The following AKAP12 variants were observed in gnomAD, a reference collection of about 807,000 sequenced individuals.
The protein encoded by AKAP12 is A-kinase anchoring protein 12.
Under a neutral mutation model 79.9 loss-of-function variants are expected in AKAP12, and 32 were observed. That is an observed-to-expected ratio of 0.40 (90% CI 0.30 to 0.54). AKAP12 has a LOEUF of 0.54. Among genes scored for constraint, AKAP12 ranks in the 20% least tolerant of loss-of-function variants. AKAP12 has a pLI of 0.48. For missense variants in AKAP12, 2,074 were observed against 2,177.0 expected, an observed-to-expected ratio of 0.95 and a Z score of 0.94; for synonymous variants, 808 against 857.0, an observed-to-expected ratio of 0.94 and a Z score of 1.00.
chr6:151,353,744 A>G lies in AKAP12; in HGVS notation c.*4A>G. 1 of 1,556,980 alleles carries G rather than the reference A, an allele frequency of 6.4e-7. No individual in the cohort carries two copies. The highest frequency in any genetic ancestry group is 8.7e-7 in the Non-Finnish European group (1 of 1,153,286). On this transcript the variant is annotated 3_prime_UTR_variant, in exon 4 of 5. Transcript: ENST00000402676. ...GTCAGAACTTACAGAATCTTAAAAC[A>G]TCATGCAGGTAAGCTTCCTTGTCTT...
At chr6:151,324,527 T>G (rs1400462690) in intron 3 of AKAP12, 2 of 985,300 alleles carry the variant, frequency 2.0e-6, no homozygotes, top group Non-Finnish European at 2.4e-6. Flanking sequence ...CTGTGCCCAC[T>G]GTGGTCTACG....
chr6:151,344,527 T>G (rs1401362409), intron 3 of AKAP12, among the ~76,000 whole-genome samples: 1 of 152,080 alleles, frequency 6.6e-6, no homozygotes, highest in Non-Finnish European at 1.5e-5. Context: ...TTTGTTGTTG[T>G]TGTTGTTGTC....
chr6:151,261,402 A>G (rs920807710), intron 2 of AKAP12, among the ~76,000 whole-genome samples: 3 of 151,466 alleles, frequency 2.0e-5, no homozygotes, highest in African/African-American at 7.3e-5. Flanking sequence ...ATAAAAACCA[A>G]TGGTTTGGCT....
At chr6:151,252,814 A>G (rs1306635995) in intron 2 of AKAP12, among the ~76,000 whole-genome samples, 1 of 151,940 alleles carries the variant, frequency 6.6e-6, no homozygotes, top group African/African-American at 2.4e-5. Flanking sequence ...TCGTGATGGC[A>G]TCATGCCACA....
chr6:151,283,862 A>G (rs574237473), intron 2 of AKAP12, among the ~76,000 whole-genome samples: 1 of 152,260 alleles, frequency 6.6e-6, no homozygotes, highest in African/African-American at 2.4e-5. Flanking sequence ...CTCATCTCCA[A>G]AGACATTTCA....
chr6:151,343,240 A>G (rs900350106), intron 3 of AKAP12, among the ~76,000 whole-genome samples: 2 of 151,898 alleles, frequency 1.3e-5, no homozygotes, highest in African/African-American at 4.8e-5. Context: ...CCAGCTTTCT[A>G]CTCCTATATT....
At chr6:151,348,672 T>G in intron 3 of AKAP12, 39 bp from the exon 4 acceptor site, 3 of 477,062 alleles carry the variant, frequency 6.3e-6, no homozygotes, top group African/African-American at 2.0e-5. Flanking sequence ...TAATCACCTT[T>G]TCTCTTCTCC....
chr6:151,357,548 A>C lies in AKAP12; in HGVS notation c.*1834A>C, dbSNP rs1325330615. On this transcript the variant is annotated 3_prime_UTR_variant, in exon 5 of 5. Coordinates refer to ENST00000402676, the MANE Select transcript of AKAP12 (RefSeq NM_005100.4). ...GCTAACAAATCTAACTTCATACATA[A>C]TTGGCCATATTAGTAAAACACCTCA... 2 of 152,144 alleles carry C rather than the reference A, an allele frequency of 1.3e-5. No homozygotes were observed. The highest frequency in any genetic ancestry group is 4.8e-5 in the African/African-American group (2 of 41,418). 9.4% of individuals were successfully genotyped at this position (152,144 alleles called of 1,614,324 possible).
chr6:151,343,512 G>A (rs1457754584), intron 3 of AKAP12, among the ~76,000 whole-genome samples: 4 of 152,160 alleles, frequency 2.6e-5, no homozygotes, highest in South Asian at 2.1e-4. Flanking sequence ...CGCCAGGCAC[G>A]GTGGCTCACG....
intron 3 of AKAP12, among the ~76,000 whole-genome samples, chr6:151,314,609 G>T (rs1777196519): frequency 1.3e-5 from 2 of 152,146 alleles, no homozygotes; most frequent in South Asian, 4.1e-4. Context: ...TTGCCCTAAA[G>T]ATTTTCAGTC....
At chr6:151,333,157 C>T (rs1255427611) in intron 3 of AKAP12, among the ~76,000 whole-genome samples, 1 of 152,058 alleles carries the variant, frequency 6.6e-6, no homozygotes, top group Admixed American at 6.6e-5. Flanking sequence ...TTAAAAGAAG[C>T]GCCCTAACGG....
At chr6:151,343,620 C>A (rs1314423648) in intron 3 of AKAP12, among the ~76,000 whole-genome samples, 1 of 151,924 alleles carries the variant, frequency 6.6e-6, no homozygotes, top group Non-Finnish European at 1.5e-5. Flanking sequence ...CTTATCTGTA[C>A]AAAAAATACA....
At chr6:151,302,201 G>A (rs1278101904) in intron 2 of AKAP12, among the ~76,000 whole-genome samples, 1 of 151,826 alleles carries the variant, frequency 6.6e-6, no homozygotes, top group Non-Finnish European at 1.5e-5. Flanking sequence ...TAGTAGAGAC[G>A]GGGTTTCACC....
At position 151,259,907 on chromosome 6, in the gene AKAP12, T is replaced by G. The variant is rs1473072150; in HGVS notation, c.162+19183T>G. ...TTTTCTTCAATGTAACTTTCTCTTTTTTTTTTTCCTTGCACAAAGCATTAA... is the reference window on the plus strand; with the variant it reads ...TTTTCTTCAATGTAACTTTCTCTTTGTTTTTTTCCTTGCACAAAGCATTAA... On this transcript the variant is annotated intron_variant, in intron 2 of 4. Coordinates refer to ENST00000402676, the MANE Select transcript of AKAP12 (RefSeq NM_005100.4). Among the ~76,000 whole-genome samples, 13 of 151,376 alleles carry G rather than the reference T, an allele frequency of 8.6e-5. No individual in the cohort carries two copies. The East Asian group carries it at 2.5e-3, about 29-fold the overall frequency.
intron 2 of AKAP12, among the ~76,000 whole-genome samples, chr6:151,302,077 C>G (rs1299048034): frequency 1.3e-5 from 2 of 149,450 alleles, no homozygotes; most frequent in Admixed American, 1.3e-4. Context: ...AGTGCGTGAT[C>G]TCAGCTCGCT....
At chr6:151,325,060 TG>T in intron 3 of AKAP12, 1 of 985,484 alleles carries the variant, frequency 1.0e-6, no homozygotes, top group Non-Finnish European at 1.2e-6. Context: ...GGTCAAGTGT[TG>T]AAGACAGCAC....
intron 2 of AKAP12, among the ~76,000 whole-genome samples, chr6:151,280,929 G>A (rs1047388220): frequency 3.3e-5 from 5 of 151,946 alleles, no homozygotes; most frequent in South Asian, 2.1e-4. Flanking sequence ...TGAAACACTC[G>A]CGTTTTGCTT....
At chr6:151,325,838 T>TAAGTA (rs1777510188) in intron 3 of AKAP12, 1 of 1,614,014 alleles carries the variant, frequency 6.2e-7, no homozygotes, top group Admixed American at 1.7e-5. Context: ...GCTGATCTCC[T>TAAGTA]GTACAGTAGT....
At chr6:151,245,898 AG>A (rs1181923961) in intron 2 of AKAP12, among the ~76,000 whole-genome samples, 7 of 152,214 alleles carry the variant, frequency 4.6e-5, no homozygotes, top group African/African-American at 1.4e-4. Flanking sequence ...AAAATGGCAC[AG>A]TCTTTTCCAT....
Sources: allele counts gnomAD v4.1 joint callset (sites outside exome capture counted in the v4.1 genomes callset), GRCh38; gene constraint gnomAD v4.1.1; transcripts MANE v1.5; gene names NCBI Gene and HGNC (gene_info 2026-07-23, HGNC 2026-07-21).